Variants in MPHOSPH8 observed in about 807,000 individuals in gnomAD.
MPHOSPH8 encodes M-phase phosphoprotein, mpp.
In MPHOSPH8, 45 loss-of-function variants were observed where a neutral mutation model predicts 87.3. The observed-to-expected ratio is 0.52, with a 90% confidence interval of 0.41 to 0.66. The LOEUF is 0.66. Ranked by LOEUF, MPHOSPH8 falls within the 30% of genes least tolerant of loss-of-function variation. The pLI is 0.00. For synonymous variants in MPHOSPH8, 366 were observed against 376.9 expected (o/e 0.97, Z 0.33); for missense variants, 883 against 1,020.2 (o/e 0.87, Z 1.83).
chr13:19,643,971 A>G (rs1874437954), intron 2 of MPHOSPH8, among the ~76,000 whole-genome samples: 1 of 152,218 alleles, frequency 6.6e-6, no homozygotes, highest in Admixed American at 6.5e-5. Context: ...CAATACAGAG[A>G]AATTAACCTC....
chr13:19,661,945 C>CA, intron 8 of MPHOSPH8, 107 bp downstream of exon 8: 2 of 1,037,246 alleles, frequency 1.9e-6, no homozygotes, highest in Non-Finnish European at 2.5e-6. Flanking sequence ...GGTCACATCG[C>CA]TTTTTTTTTT....
At chr13:19,641,464 A>G (rs2137501574) in intron 1 of MPHOSPH8, among the ~76,000 whole-genome samples, 1 of 146,352 alleles carries the variant, frequency 6.8e-6, no homozygotes, top group African/African-American at 2.5e-5. Flanking sequence ...CTGGGACTAC[A>G]GGCACGTGCC....
rs1248172729 is a variant in MPHOSPH8, at chr13:19,647,166, A to T, written c.1093A>T (p.Asn365Tyr). ...EKKTVPKKQR[N>Y]QDRSKSAAEL... Reference sequence around the variant, plus strand: ...GAAAACTGTGCCTAAAAAGCAGAGGAATCAAGACAGAAGCAAAAGTGCTGC... The same window carrying T: ...GAAAACTGTGCCTAAAAAGCAGAGGTATCAAGACAGAAGCAAAAGTGCTGC... The change falls in exon 3 of 14, where the codon AAT (asparagine) becomes TAT (tyrosine). Residue 365 changes from asparagine to tyrosine, a missense_variant. Around this residue, in one of 3 missense-constraint regions of MPHOSPH8, gnomAD observed 741 missense variants for 841.5 expected, o/e 0.88. Transcript: ENST00000361479. 6.2e-7 allele frequency: 1 copy of T among 1,614,210 alleles called. No individual in the cohort carries two copies. The highest frequency in any genetic ancestry group is 1.7e-5 in the Admixed American group (1 of 60,024).
chr13:19,633,970 AG>A lies in MPHOSPH8; in HGVS notation c.213+13del. The A allele has an allele frequency of 6.2e-7, 1 of 1,602,304 alleles. No homozygotes were observed. The highest frequency in any genetic ancestry group is 2.2e-5 in the East Asian group (1 of 44,474). Reference sequence around the variant, plus strand: ...ACATGAAGACCGAGGGGGTATGTGGAGGGGCCCCGGCGCGGGGCTGGGCGGG... The same window carrying A: ...ACATGAAGACCGAGGGGGTATGTGGAGGGCCCCGGCGCGGGGCTGGGCGGG... On this transcript the variant is annotated intron_variant, in intron 1 of 13. Coordinates refer to ENST00000361479, the MANE Select transcript of MPHOSPH8 (RefSeq NM_017520.4).
chr13:19,642,364 C>T, intron 2 of MPHOSPH8, 94 bp downstream of exon 2: 1 of 1,067,346 alleles, frequency 9.4e-7, no homozygotes, highest in South Asian at 2.0e-5. Context: ...TTACAAATAA[C>T]AAAGTGTACC....
At chr13:19,652,757 C>T (rs1435616678) in intron 5 of MPHOSPH8, among the ~76,000 whole-genome samples, 1 of 152,058 alleles carries the variant, frequency 6.6e-6, no homozygotes, top group Non-Finnish European at 1.5e-5. Context: ...GAGGGGTGTC[C>T]GCCATTGCTG....
chr13:19,644,538 A>G (rs1235351141), intron 2 of MPHOSPH8, among the ~76,000 whole-genome samples: 1 of 152,184 alleles, frequency 6.6e-6, no homozygotes, highest in African/African-American at 2.4e-5. Context: ...TTGTCCAGTC[A>G]TTTTTGGTTA....
At chr13:19,653,085 G>C (rs551622842) in intron 5 of MPHOSPH8, among the ~76,000 whole-genome samples, 2 of 152,260 alleles carry the variant, frequency 1.3e-5, no homozygotes, top group African/African-American at 2.4e-5. Flanking sequence ...CTCTGCTAAG[G>C]GTCAGACTGC....
chr13:19,661,546 A>T (rs1593486267), intron 7 of MPHOSPH8, 152 bp from the exon 8 acceptor site: 2 of 760,626 alleles, frequency 2.6e-6, no homozygotes, highest in East Asian at 5.7e-5. Flanking sequence ...GTAGCTTCTG[A>T]TGGTTGGGAT....
At position 19,646,988 on chromosome 13, in the gene MPHOSPH8, GC is replaced by G. The variant is rs911038507; in HGVS notation, c.916del (p.Leu306TrpfsTer9). The G allele has an allele frequency of 6.3e-7, 1 of 1,592,706 alleles. No individual in the cohort carries two copies. The highest frequency in any genetic ancestry group is 8.5e-7 in the Non-Finnish European group (1 of 1,174,520). On this transcript the variant is annotated frameshift_variant, in exon 3 of 14. Transcript: ENST00000361479. LOFTEE classifies it high-confidence loss of function. ...ARERAGQDMG[L>X]EHGFEKPLDS... ...GAGAGAGAGCAGGGCAGGACATGGG[GC>G]TGGAGCATGGCTTTGAGAAGCCCCT...
chr13:19,661,753 T>A lies in MPHOSPH8; in HGVS notation c.1847T>A (p.Leu616His). Residue 616 changes from leucine to histidine, a missense_variant, in exon 8 of 14, where the codon CTC (leucine) becomes CAC (histidine). Transcript: ENST00000361479. The part of the protein sequence containing the change: ...MLAAAGGQDD[L>H]LRLLITKGAK... Reference sequence around the variant, plus strand: ...GCCGCCGCCGGAGGGCAGGACGACCTCCTGCGACTCCTCATCACAAAAGGC... The same window carrying A: ...GCCGCCGCCGGAGGGCAGGACGACCACCTGCGACTCCTCATCACAAAAGGC... 1.2e-6 allele frequency: 2 copies of A among 1,612,832 alleles called. No individual in the cohort carries two copies. Among genetic ancestry groups the A allele is most frequent in the East Asian group, 2.2e-5 (1 of 44,804 alleles).
chr13:19,644,245 A>T (rs966099109), intron 2 of MPHOSPH8, among the ~76,000 whole-genome samples: 9 of 152,206 alleles, frequency 5.9e-5, no homozygotes, highest in African/African-American at 2.2e-4. Context: ...GGTTCAAAGG[A>T]TAAAACTAGA....
intron 13 of MPHOSPH8, among the ~76,000 whole-genome samples, chr13:19,671,521 G>A (rs1487853626): frequency 6.6e-6 from 1 of 152,180 alleles, no homozygotes; most frequent in Non-Finnish European, 1.5e-5. Flanking sequence ...TCTAGAGGAT[G>A]GAGCCATCTG....
chr13:19,643,843 A>T (rs1306733831), intron 2 of MPHOSPH8, among the ~76,000 whole-genome samples: 1 of 151,888 alleles, frequency 6.6e-6, no homozygotes, highest in African/African-American at 2.4e-5. Context: ...ATCCATGCTG[A>T]CCTCTGTAAC....
At chr13:19,664,952 G>A (rs1307173824) in intron 9 of MPHOSPH8, among the ~76,000 whole-genome samples, 3 of 152,132 alleles carry the variant, frequency 2.0e-5, no homozygotes, top group Non-Finnish European at 4.4e-5. Flanking sequence ...GCCTGCGTGG[G>A]GAGAAGCAGA....
chr13:19,642,261 G>C lies in MPHOSPH8; in HGVS notation c.360G>C (p.Lys120Asn). ...IAENKAKAVR[K>N]DIQRLSLNND... ...AGAACAAAGCCAAAGCAGTCAGGAA[G>C]GATATTCAGGTACTATGTTTTGTCT... The change falls in exon 2 of 14, where the codon AAG becomes AAC. Residue 120 changes from lysine to asparagine, a missense_variant. Coordinates refer to ENST00000361479, the MANE Select transcript of MPHOSPH8 (RefSeq NM_017520.4). 1 of 1,589,250 alleles carries C rather than the reference G, an allele frequency of 6.3e-7. No individual in the cohort carries two copies. The highest frequency in any genetic ancestry group is 1.2e-5 in the South Asian group (1 of 86,278).
chr13:19,648,470 C>G lies in MPHOSPH8; in HGVS notation c.1267C>G (p.His423Asp). The change falls in exon 4 of 14, where the codon CAT (histidine) becomes GAT (aspartate). Residue 423 changes from histidine (H) to aspartate (D), a missense_variant. Physicochemically the swap from His to Asp is moderately conservative, Grantham distance 81. Transcript: ENST00000361479. ...ATCCAAAGAAAAATATCAGAAAAGG[C>G]ATGATTCTGACAAGGAAGAAAAAGG... ...NESKEKYQKR[H>D]DSDKEEKGRK... The G allele has an allele frequency of 6.3e-7, 1 of 1,584,884 alleles. No homozygotes were observed. Among genetic ancestry groups the G allele is most frequent in the East Asian group, 2.3e-5 (1 of 42,578 alleles).
chr13:19,639,034 G>A (rs1593465973), intron 1 of MPHOSPH8, among the ~76,000 whole-genome samples: 2 of 148,446 alleles, frequency 1.3e-5, no homozygotes, highest in East Asian at 4.1e-4. Context: ...AGTGAGCTGA[G>A]ATTGTGCCAC....
Position 19,659,120 on chromosome 13 carries a change from A to C in MPHOSPH8, c.1702A>C (p.Asn568His). ...TGCTGCAACAGATGCAATTCCAAGT[A>C]GTGAGTAGTTTTGGAAATATTGAAA... Reference protein sequence around the residue: ...NFAATDAIPSNVLRDAVKNGD... With the variant: ...NFAATDAIPSHVLRDAVKNGD... The change falls in exon 6 of 14, where the codon AAT becomes CAT. Residue 568 changes from asparagine to histidine, a missense_variant and splice_region_variant. By Grantham distance (68) the Asn-to-His change is moderately conservative (BLOSUM62 1). Transcript: ENST00000361479. The C allele has an allele frequency of 6.2e-7, 1 of 1,613,290 alleles. No homozygotes were observed.
Sources: allele counts gnomAD v4.1 joint callset (sites outside exome capture counted in the v4.1 genomes callset), GRCh38; gene constraint gnomAD v4.1.1; regional missense constraint gnomAD v4.1.1; transcripts MANE v1.5; gene names NCBI Gene and HGNC (gene_info 2026-07-23, HGNC 2026-07-21).